PSIP1: variants seen among roughly 807,000 people sequenced by gnomAD.
The protein encoded by PSIP1 is PC4 and SRSF1 interacting protein 1.
Under a neutral mutation model 74.7 loss-of-function variants are expected in PSIP1, and 19 were observed. The ratio of observed to expected loss-of-function variants is 0.25; its 90% CI spans 0.18 to 0.37. The LOEUF (loss-of-function observed/expected upper bound fraction) is 0.37, where lower values mean the gene tolerates loss of function less well. Ranked by LOEUF, PSIP1 falls within the 10% of genes least tolerant of loss-of-function variation. PSIP1 has a pLI of 1.00. For synonymous variants in PSIP1, 222 were observed against 195.3 expected, an observed-to-expected ratio of 1.14 and a Z score of -1.14; for missense variants, 601 against 614.3, an observed-to-expected ratio of 0.98 and a Z score of 0.23.
rs2035505034 is a variant in PSIP1, at chr9:15,464,867, T to A, written c.*653A>T. 4.8e-6 allele frequency: 1 copy of A among 210,516 alleles called. No homozygotes were observed. Among genetic ancestry groups the A allele is most frequent in the East Asian group, 7.2e-5 (1 of 13,908 alleles). The allele number at this position is 210,516 out of a possible 1,614,324, so 13.0% of individuals were successfully genotyped here. A position where few individuals can be genotyped will look rare whatever the true frequency, so the allele number is the denominator to read the frequency against. On this transcript the variant is annotated 3_prime_UTR_variant, in exon 16 of 16. Transcript: ENST00000380733. The stretch of plus-strand genomic sequence containing the variant: ...CACAAAACTAAATTACCTTCAAAAA[T>A]TAATGTTTTATAGTTTGTAGAATTC...
rs760085843 is a variant in PSIP1 at position 15,466,811 on chromosome 9, G to A, written c.1469C>T (p.Pro490Leu). ...GGSDAQDGNQ[P>L]QHNGESNEDS... ...TTCATTGCTCTCCCCGTTATGTTGT[G>A]GCTGATTACCATCTTGAGCATCAGA... Residue 490 changes from proline (P) to leucine (L), a missense_variant, in exon 15 of 16, where the codon CCA (proline) becomes CTA (leucine). Coordinates refer to ENST00000380733, the MANE Select transcript of PSIP1 (RefSeq NM_033222.5). The A allele has an allele frequency of 1.2e-6, 2 of 1,613,248 alleles. No individual in the cohort carries two copies. Among genetic ancestry groups the A allele is most frequent in the South Asian group, 1.1e-5 (1 of 90,902 alleles).
intron 3 of PSIP1, among the ~76,000 whole-genome samples, chr9:15,504,405 A>C (rs2037487225): frequency 1.3e-5 from 2 of 152,176 alleles, no homozygotes; most frequent in African/African-American, 2.4e-5. Flanking sequence ...TCCTCTTCTA[A>C]ATTTAAAATA....
chr9:15,488,425 T>C (rs2036653239), intron 4 of PSIP1, among the ~76,000 whole-genome samples: 1 of 152,210 alleles, frequency 6.6e-6, no homozygotes, highest in South Asian at 2.1e-4. Context: ...TCCTAGTTTT[T>C]GGACCTCAGG....
rs1453350326 is a variant in PSIP1, at chr9:15,510,949, C to CCGCCGCCGT, written c.-283_-275dup. 6.5e-6 allele frequency: 1 copy of CCGCCGCCGT among 153,398 alleles called. No homozygotes were observed. Among genetic ancestry groups the CCGCCGCCGT allele is most frequent in the East Asian group, 1.9e-4 (1 of 5,226 alleles). 9.5% of individuals were successfully genotyped at this position (153,398 alleles called of 1,614,324 possible). ...CGGAATCGCAACCGCGCCGCCGCTG[C>CCGCCGCCGT]CGCCGCCGTAGCTGCGCTGCTCCCG... On this transcript the variant is annotated 5_prime_UTR_variant, in exon 1 of 16. Transcript: ENST00000380733.
chr9:15,473,773 T>A (rs2035943763), intron 9 of PSIP1, among the ~76,000 whole-genome samples: 1 of 151,912 alleles, frequency 6.6e-6, no homozygotes. Flanking sequence ...TGGTGGCACA[T>A]GCCTGTACTT....
rs538808230 is a variant in PSIP1 at position 15,506,393 on chromosome 9, T to C, written c.149+168A>G. On this transcript the variant is annotated intron_variant, in intron 3 of 15. Coordinates refer to ENST00000380733, the MANE Select transcript of PSIP1 (RefSeq NM_033222.5). Reference sequence around the variant, plus strand: ...TCAATTCCAGTAAAAAATAAACCTATAGCATCTGTAAACGCTACCTTAAAA... The same window carrying C: ...TCAATTCCAGTAAAAAATAAACCTACAGCATCTGTAAACGCTACCTTAAAA... 23 of 482,134 alleles carry C rather than the reference T, an allele frequency of 4.8e-5. No individual in the cohort carries two copies. The Admixed American group carries it at 5.5e-4, about 12-fold the overall frequency. 29.9% of individuals were successfully genotyped at this position (482,134 alleles called of 1,614,324 possible). A position where few individuals can be genotyped will look rare whatever the true frequency, so the allele number is the denominator to read the frequency against.
At chr9:15,491,979 C>G (rs536078358) in intron 3 of PSIP1, 1 of 152,224 alleles carries the variant, frequency 6.6e-6, no homozygotes, top group Admixed American at 6.5e-5. Flanking sequence ...TTACCTCCAC[C>G]TGGTTCCGCC....
At chr9:15,474,311 T>A in intron 8 of PSIP1, 74 bp from the exon 9 acceptor site, 1 of 1,320,632 alleles carries the variant, frequency 7.6e-7, no homozygotes, top group Non-Finnish European at 1.0e-6. Context: ...TAAGCTATAA[T>A]TTTTAATTTA....
At chr9:15,477,263 GT>G (rs2132074754) in intron 8 of PSIP1, among the ~76,000 whole-genome samples, 1 of 152,234 alleles carries the variant, frequency 6.6e-6, no homozygotes, top group Non-Finnish European at 1.5e-5. Context: ...GCAACACAAT[GT>G]TTTGATGTAC....
chr9:15,468,426 C>T (rs762404577), intron 14 of PSIP1: 14 of 760,786 alleles, frequency 1.8e-5, no homozygotes, highest in African/African-American at 3.4e-5. Context: ...CCTTAGAAGT[C>T]GAATATAAAC....
chr9:15,472,807 T>C (rs201680933), intron 9 of PSIP1, 57 bp from the exon 10 acceptor site: 39 of 1,450,738 alleles, frequency 2.7e-5, no homozygotes, highest in South Asian at 1.9e-4. Context: ...CTAGTGCTTA[T>C]GGAATTATAA....
intron 3 of PSIP1, among the ~76,000 whole-genome samples, chr9:15,497,124 T>C (rs559105739): frequency 1.3e-5 from 2 of 152,282 alleles, no homozygotes; most frequent in Admixed American, 1.3e-4. Flanking sequence ...ACAGCATTAT[T>C]CATAAAAGCC....
intron 3 of PSIP1, among the ~76,000 whole-genome samples, chr9:15,504,534 G>C (rs764208764): frequency 1.3e-5 from 2 of 151,980 alleles, no homozygotes; most frequent in African/African-American, 4.8e-5. Flanking sequence ...TCAGGAGATC[G>C]AGACCATCCT....
At chr9:15,475,468 T>C (rs2132065942) in intron 8 of PSIP1, among the ~76,000 whole-genome samples, 1 of 152,252 alleles carries the variant, frequency 6.6e-6, no homozygotes, top group East Asian at 1.9e-4. Context: ...GAAATAGCTA[T>C]TAAAAATACA....
At chr9:15,471,056 G>C in intron 10 of PSIP1, 3 of 1,449,950 alleles carry the variant, frequency 2.1e-6, no homozygotes, top group Non-Finnish European at 2.7e-6. Flanking sequence ...CCTCAATTTA[G>C]AATCTGGAAC....
At chr9:15,501,847 AT>A in intron 3 of PSIP1, among the ~76,000 whole-genome samples, 1 of 145,456 alleles carries the variant, frequency 6.9e-6, no homozygotes, top group East Asian at 2.0e-4. Context: ...CAGCATATAT[AT>A]ATATATATAT....
rs750350689 is a variant in PSIP1 at position 15,466,790 on chromosome 9, T to A, written c.1490A>T (p.Asn497Ile). 3 of 1,613,636 alleles carry A rather than the reference T, an allele frequency of 1.9e-6. No individual in the cohort carries two copies. Among genetic ancestry groups the A allele is most frequent in the East Asian group, 2.2e-5 (1 of 44,858 alleles). The change falls in exon 15 of 16, where the codon AAT becomes ATT. Residue 497 changes from asparagine to isoleucine, a missense_variant. Physicochemically the swap from Asn to Ile is moderately radical, Grantham distance 149. This residue lies in a region of PSIP1 where 538 missense variants were observed against 507.6 expected (regional missense o/e 1.06). Coordinates refer to ENST00000380733, the MANE Select transcript of PSIP1 (RefSeq NM_033222.5). ...TTCATGGTTGTCTTTGCTGTCTTCA[T>A]TGCTCTCCCCGTTATGTTGTGGCTG... ...GNQPQHNGES[N>I]EDSKDNHEAS...
intron 10 of PSIP1, 61 bp from the exon 11 acceptor site, chr9:15,470,054 T>A: frequency 7.5e-7 from 1 of 1,340,822 alleles, no homozygotes; most frequent in South Asian, 1.2e-5. Flanking sequence ...ATGCCCACAA[T>A]CCCTATGTAA....
rs750926672 is a variant in PSIP1, at chr9:15,465,550, T to C, written c.1563A>G (p.Ile521Met). 1.9e-5 allele frequency: 30 copies of C among 1,585,646 alleles called. No homozygotes were observed. The South Asian group carries it at 3.3e-4, about 18-fold the overall frequency. ...TATCTAGTGTAGAATCCTTCAGAGA[T>C]ATTTCAGTCTCTCTCTCTTCACTGG... ...KPSSEERETE[I>M]SLKDSTLDN is the part of the protein sequence containing the mutation. Residue 521 changes from isoleucine (I) to methionine (M), a missense_variant, in exon 16 of 16, where the codon ATA becomes ATG. Ile to Met is a conservative substitution (Grantham distance 10). Coordinates refer to ENST00000380733, the MANE Select transcript of PSIP1 (RefSeq NM_033222.5).
Sources: allele counts gnomAD v4.1 joint callset (sites outside exome capture counted in the v4.1 genomes callset), GRCh38; gene constraint gnomAD v4.1.1; regional missense constraint gnomAD v4.1.1; transcripts MANE v1.5; gene names NCBI Gene and HGNC (gene_info 2026-07-23, HGNC 2026-07-21).